TRPA1: variants seen among roughly 807,000 people sequenced by gnomAD.
TRPA1 encodes the protein ankyrin-like with transmembrane domains 1.
In TRPA1, 129 loss-of-function variants were observed where a neutral mutation model predicts 131.3. The observed-to-expected ratio is 0.98, with a 90% CI of 0.85 to 1.14. TRPA1 has a LOEUF of 1.14. Among genes scored for constraint, TRPA1 ranks in the 50% most tolerant of loss-of-function variants. TRPA1 has a pLI of 0.00. For synonymous variants in TRPA1, 441 were observed against 451.7 expected, an observed-to-expected ratio of 0.98 and a Z score of 0.30; for missense variants, 1,304 against 1,354.2, an observed-to-expected ratio of 0.96 and a Z score of 0.58.
chr8:72,035,229 C>T (rs1342949771), intron 21 of TRPA1, among the ~76,000 whole-genome samples: 2 of 152,132 alleles, frequency 1.3e-5, no homozygotes, highest in Non-Finnish European at 2.9e-5. Context: ...GGGACTTCAG[C>T]GAAATTCACA....
Position 72,075,317 on chromosome 8 carries a change from A to G in TRPA1, c.93T>C (p.Asp31=), listed in dbSNP as rs1433560201. Residue 31 remains aspartate (D), a synonymous_variant, in exon 1 of 27, where the codon GAT becomes GAC. Transcript: ENST00000262209. ...AGAGTACCTTAAGCGATTCCTTGAA[A>G]TCCTCCGTGTCGTCCGGCACATCCT... ...VYEDVPDDTE[D]FKESLKVVFE... is the part of the protein sequence containing the mutation. 3.1e-6 allele frequency: 5 copies of G among 1,613,342 alleles called. No homozygotes were observed. In the Admixed American group the frequency reaches 5.0e-5, roughly 16 times the overall value.
chr8:72,055,106 A>G, intron 12 of TRPA1: 1 of 317,286 alleles, frequency 3.2e-6, no homozygotes, highest in Non-Finnish European at 5.9e-6. Flanking sequence ...ATATAGGAAT[A>G]TGGCAGCATG....
In TRPA1 at chr8:72,069,078, T is replaced by A. The variant is rs148531241; in HGVS notation, c.389A>T (p.Asn130Ile). 4.3e-5 allele frequency: 69 copies of A among 1,614,244 alleles called. No homozygotes were observed. The African/African-American group carries it at 8.3e-4, about 19-fold the overall frequency. Residue 130 changes from asparagine (N) to isoleucine (I), a missense_variant, in exon 3 of 27, where the codon AAC (asparagine) becomes ATC (isoleucine). Physicochemically the swap from Asn to Ile is moderately radical, Grantham distance 149. Transcript: ENST00000262209. The stretch of plus-strand genomic sequence containing the variant: ...AGCTATGTGGAGAGGAGCCATCATG[T>A]TGAAGTTTCGGAGATTTGGGTTTGC... ...RGANPNLRNF[N>I]MMAPLHIAVQ... is the part of the protein sequence containing the mutation.
chr8:72,057,852 G>C lies in TRPA1; in HGVS notation c.994-36C>G, dbSNP rs1585878512. 5 of 1,449,318 alleles carry C rather than the reference G, an allele frequency of 3.4e-6. No individual in the cohort carries two copies. The Middle Eastern group carries it at 8.6e-4, about 251-fold the overall frequency. 89.8% of individuals were successfully genotyped at this position (1,449,318 alleles called of 1,614,324 possible). A position where few individuals can be genotyped will look rare whatever the true frequency, so the allele number is the denominator to read the frequency against. On this transcript the variant is annotated intron_variant, in intron 8 of 26. Coordinates refer to ENST00000262209, the MANE Select transcript of TRPA1 (RefSeq NM_007332.3). ...AACAAACCATTCAACAAAGAGCTTAGAAACAGATAAATCATAATATATTGT... is the reference window on the plus strand; with the variant it reads ...AACAAACCATTCAACAAAGAGCTTACAAACAGATAAATCATAATATATTGT...
intron 2 of TRPA1, 127 bp from the exon 3 acceptor site, chr8:72,069,325 C>T: frequency 1.1e-6 from 1 of 924,814 alleles, no homozygotes; most frequent in Non-Finnish European, 1.7e-6. Context: ...TTTATGGAAA[C>T]TAAAAACACA....
intron 10 of TRPA1, 169 bp from the exon 11 acceptor site, chr8:72,056,024 G>T: frequency 1.5e-6 from 1 of 670,650 alleles, no homozygotes; most frequent in Non-Finnish European, 2.6e-6. Context: ...TATGAATGAA[G>T]TTGAATGCTC....
intron 23 of TRPA1, among the ~76,000 whole-genome samples, chr8:72,031,924 A>C (rs536635297): frequency 6.6e-6 from 1 of 152,300 alleles, no homozygotes; most frequent in African/African-American, 2.4e-5. Context: ...AGAGTTAGTT[A>C]ATTGGAGAGG....
chr8:72,061,580 T>C (rs1269687802), intron 7 of TRPA1, 45 bp downstream of exon 7: 16 of 1,612,136 alleles, frequency 9.9e-6, no homozygotes, highest in Non-Finnish European at 1.4e-5. Context: ...ATTTCACTCA[T>C]GAAGATGAAA....
At chr8:72,029,750 G>T in intron 24 of TRPA1, 151 bp downstream of exon 24, 1 of 811,442 alleles carries the variant, frequency 1.2e-6, no homozygotes, top group Non-Finnish European at 2.1e-6. Flanking sequence ...TGATCAGGAG[G>T]GTAAATGGCA....
At chr8:72,052,302 G>A (rs886880219) in intron 14 of TRPA1, among the ~76,000 whole-genome samples, 10 of 152,088 alleles carry the variant, frequency 6.6e-5, no homozygotes, top group Admixed American at 1.3e-4. Flanking sequence ...CATGCCTATA[G>A]TCCCAGCTAC....
chr8:72,040,875 AT>A (rs1812229251), intron 17 of TRPA1, among the ~76,000 whole-genome samples: 1 of 152,112 alleles, frequency 6.6e-6, no homozygotes, highest in African/African-American at 2.4e-5. Context: ...TTTCCTGTCA[AT>A]AATTATTTTA....
chr8:72,057,574 T>C, intron 9 of TRPA1, 143 bp downstream of exon 9: 1 of 727,602 alleles, frequency 1.4e-6, no homozygotes, highest in Non-Finnish European at 2.5e-6. Context: ...GTTCTGTTTA[T>C]TTTTAAATTC....
At chr8:72,062,743 T>G in intron 6 of TRPA1, 56 bp downstream of exon 6, 1 of 1,547,210 alleles carries the variant, frequency 6.5e-7, no homozygotes, top group Non-Finnish European at 8.9e-7. Flanking sequence ...ATAAAGCATT[T>G]TATATGTTTA....
chr8:72,057,615 T>C (rs1018172212), intron 9 of TRPA1, 102 bp downstream of exon 9: 1 of 914,532 alleles, frequency 1.1e-6, no homozygotes, highest in Middle Eastern at 3.2e-4. Context: ...TGGCACACAA[T>C]AGATGGTGGC....
intron 13 of TRPA1, chr8:72,053,041 G>C: frequency 2.9e-6 from 1 of 347,022 alleles, no homozygotes; most frequent in South Asian, 2.8e-5. Flanking sequence ...GAGAGAGAGA[G>C]AGAATGAATT....
At chr8:72,072,224 AAT>A (rs1222512936) in intron 1 of TRPA1, among the ~76,000 whole-genome samples, 1 of 152,202 alleles carries the variant, frequency 6.6e-6, no homozygotes, top group African/African-American at 2.4e-5. Context: ...GCCACATGAT[AAT>A]ATATGTCCAA....
chr8:72,081,750 T>C, the TRPA1 span, among the ~76,000 whole-genome samples: 1 of 144,502 alleles, frequency 6.9e-6, no homozygotes, highest in African/African-American at 2.5e-5. Flanking sequence ...ATTTCCTTTA[T>C]GGTCTTTAGT....
chr8:72,056,079 A>G, intron 10 of TRPA1: 1 of 580,136 alleles, frequency 1.7e-6, no homozygotes, highest in Non-Finnish European at 3.1e-6. Context: ...ACATTACTGT[A>G]TTAAAGGATC....
chr8:72,024,962 G>A (rs973627762), intron 25 of TRPA1, among the ~76,000 whole-genome samples: 2 of 152,148 alleles, frequency 1.3e-5, no homozygotes, highest in African/African-American at 2.4e-5. Context: ...TAGAGATGAA[G>A]GGAGCCCAGG....
Sources: gnomAD v4.1 joint callset for allele counts (sites outside exome capture counted in the v4.1 genomes callset) on GRCh38, gnomAD v4.1.1 for gene constraint, MANE v1.5 for transcripts, NCBI Gene and HGNC (gene_info 2026-07-23, HGNC 2026-07-21) for gene names.